Variants in PIK3R4 observed in about 807,000 individuals in gnomAD.
PIK3R4 encodes the protein phosphoinositide-3-kinase regulatory subunit 4.
Under a neutral mutation model 136.5 loss-of-function variants are expected in PIK3R4, and 46 were observed. That is an observed-to-expected ratio of 0.34 (90% CI 0.27 to 0.43). The LOEUF is 0.43. Ranked by LOEUF, PIK3R4 falls within the 20% of genes least tolerant of loss-of-function variation. The pLI is 1.00. For missense variants in PIK3R4, 1,331 were observed against 1,649.5 expected, an observed-to-expected ratio of 0.81 and a Z score of 3.35; for synonymous variants, 557 against 566.7, an observed-to-expected ratio of 0.98 and a Z score of 0.24.
Position 130,710,330 on chromosome 3 carries a change from A to G in PIK3R4, c.2332-1838T>C, listed in dbSNP as rs903995201. 3.3e-5 allele frequency among the ~76,000 whole-genome samples: 5 copies of G among 152,282 alleles called. No individual in the cohort carries two copies. In the South Asian group the frequency reaches 1.0e-3, roughly 32 times the overall value. ...AATCAACATATTTCAACACATTAAC[A>G]GAACAGAAAAACCATATAATAATCT... On this transcript the variant is annotated intron_variant, in intron 9 of 19. Transcript: ENST00000356763.
chr3:130,717,067 T>G (rs888985065), intron 8 of PIK3R4, among the ~76,000 whole-genome samples: 1 of 152,238 alleles, frequency 6.6e-6, no homozygotes, highest in Non-Finnish European at 1.5e-5. Context: ...ATAAAATCTT[T>G]CCTTTAATTA....
chr3:130,744,470 T>C lies in PIK3R4; in HGVS notation c.733+16A>G. 1 of 1,586,836 alleles carries C rather than the reference T, an allele frequency of 6.3e-7. No individual in the cohort carries two copies. The highest frequency in any genetic ancestry group is 8.6e-7 in the Non-Finnish European group (1 of 1,166,798). The stretch of plus-strand genomic sequence containing the variant: ...AAAACACATGCTCCCTTAGCAAATG[T>C]GACCCACTCAAATACCTGCTGAAAA... On this transcript the variant is annotated intron_variant, in intron 2 of 19. Transcript: ENST00000356763.
intron 9 of PIK3R4, among the ~76,000 whole-genome samples, chr3:130,715,458 T>A (rs752177041): frequency 2.8e-4 from 42 of 152,120 alleles, no homozygotes; most frequent in Non-Finnish European, 5.4e-4. Context: ...CCATTCTGAC[T>A]GGCATGAGAT....
chr3:130,724,398 T>C (rs778476204), intron 6 of PIK3R4, among the ~76,000 whole-genome samples: 1 of 152,138 alleles, frequency 6.6e-6, no homozygotes, highest in Non-Finnish European at 1.5e-5. Context: ...GGAGAGTCAC[T>C]GAATTGGGAT....
rs149322376 is a variant in PIK3R4, at chr3:130,701,094, G to A, written c.3098+2629C>T. ...TATGACTGTAATAAAAATCACTTGA[G>A]AACTAACAAGCAGGGTTTTTGCAAT... On this transcript the variant is annotated intron_variant, in intron 13 of 19. Coordinates refer to ENST00000356763, the MANE Select transcript of PIK3R4 (RefSeq NM_014602.3). Among the ~76,000 whole-genome samples, 86 of 152,280 alleles carry A rather than the reference G, an allele frequency of 5.6e-4. 1 individual carries two copies. The East Asian group carries it at 0.014, about 25-fold the overall frequency.
At chr3:130,722,853 A>G (rs1316220469) in intron 7 of PIK3R4, among the ~76,000 whole-genome samples, 39 of 150,610 alleles carry the variant, frequency 2.6e-4, no homozygotes, top group African/African-American at 9.0e-4. Flanking sequence ...TCAGGAGTTC[A>G]AGACCAGCCT....
intron 13 of PIK3R4, among the ~76,000 whole-genome samples, chr3:130,703,378 C>T (rs2066590245): frequency 6.6e-6 from 1 of 152,162 alleles, no homozygotes; most frequent in Non-Finnish European, 1.5e-5. Context: ...CTTTCTCTCA[C>T]TTTTTTCAAG....
At chr3:130,732,975 G>A (rs2066766762) in intron 4 of PIK3R4, among the ~76,000 whole-genome samples, 1 of 152,148 alleles carries the variant, frequency 6.6e-6, no homozygotes, top group South Asian at 2.1e-4. Flanking sequence ...TGGGGAGCTA[G>A]AAACAAGAAT....
chr3:130,708,023 G>A (rs1414175838), intron 10 of PIK3R4, among the ~76,000 whole-genome samples: 4 of 152,154 alleles, frequency 2.6e-5, no homozygotes, highest in Non-Finnish European at 5.9e-5. Context: ...TGGTGACAAC[G>A]TGATTTTACT....
In PIK3R4 at chr3:130,703,862, C is replaced by A; in HGVS notation, c.2959G>T (p.Ala987Ser). 1 of 1,612,060 alleles carries A rather than the reference C, an allele frequency of 6.2e-7. No individual in the cohort carries two copies. The highest frequency in any genetic ancestry group is 8.5e-7 in the Non-Finnish European group (1 of 1,178,708). ...GCAGATTTATGCTCATGAAGATGGG[C>A]AACTAACAGCCCTTTAGGACGCCAT... ...PGWRPKGLLV[A>S]HLHEHKSAVN... Residue 987 changes from alanine (A) to serine (S), a missense_variant, in exon 13 of 20, where the codon GCC (alanine) becomes TCC (serine). This residue lies in a region of PIK3R4 where 1,180 missense variants were observed against 1,407.0 expected (regional missense o/e 0.84). Transcript: ENST00000356763.
rs565748787 is a variant in PIK3R4 at position 130,713,500 on chromosome 3, T to C, written c.2331+2896A>G. On this transcript the variant is annotated intron_variant, in intron 9 of 19. Transcript: ENST00000356763. ...GTGGTAGAAGGGATTACAAGAACCG[T>C]AGGAAGCAGGAAGTAGAAAGGCTAT... is the stretch of plus-strand genomic sequence containing the variant. Among the ~76,000 whole-genome samples, 39 of 152,104 alleles carry C rather than the reference T, an allele frequency of 2.6e-4. 1 individual carries two copies. The highest frequency in any genetic ancestry group is 5.1e-4 in the Non-Finnish European group (35 of 68,020).
intron 18 of PIK3R4, 55 bp downstream of exon 18, chr3:130,680,922 C>G: frequency 6.6e-6 from 6 of 906,696 alleles, no homozygotes; most frequent in Non-Finnish European, 1.1e-5. Context: ...CCATCAGTAT[C>G]TATAATAACA....
Position 130,707,119 on chromosome 3 carries a change from T to A in PIK3R4, c.2550A>T (p.Lys850Asn). ...PDDKRARKHV[K>N]QDSNVNEEWK... Reference sequence around the variant, plus strand: ...ATTCTTCATTTACATTTGAGTCTTGTTTTACATGTTTTCTGGCTATGAAAA... The same window carrying A: ...ATTCTTCATTTACATTTGAGTCTTGATTTACATGTTTTCTGGCTATGAAAA... Residue 850 changes from lysine to asparagine, a missense_variant, in exon 11 of 20, where the codon AAA becomes AAT. Lys to Asn is a moderately conservative substitution (Grantham distance 94). Coordinates refer to ENST00000356763, the MANE Select transcript of PIK3R4 (RefSeq NM_014602.3). The A allele has an allele frequency of 6.2e-7, 1 of 1,603,698 alleles. No homozygotes were observed. Among genetic ancestry groups the A allele is most frequent in the Non-Finnish European group, 8.5e-7 (1 of 1,175,834 alleles).
chr3:130,734,716 C>T (rs932251254), intron 3 of PIK3R4, among the ~76,000 whole-genome samples: 3 of 146,340 alleles, frequency 2.1e-5, no homozygotes, highest in African/African-American at 7.9e-5. Context: ...AGAAATGATA[C>T]ACCTAATTTG....
At chr3:130,716,046 A>G (rs1345662630) in intron 9 of PIK3R4, among the ~76,000 whole-genome samples, 1 of 152,234 alleles carries the variant, frequency 6.6e-6, no homozygotes, top group East Asian at 1.9e-4. Context: ...TGTTTCTTCC[A>G]GCTAAATTTC....
At chr3:130,728,070 G>A (rs997190404) in intron 6 of PIK3R4, among the ~76,000 whole-genome samples, 1 of 151,966 alleles carries the variant, frequency 6.6e-6, no homozygotes, top group Non-Finnish European at 1.5e-5. Flanking sequence ...TAAAAGTGAT[G>A]CATGTTCACT....
intron 6 of PIK3R4, among the ~76,000 whole-genome samples, chr3:130,724,560 T>A (rs1475279048): frequency 3.9e-5 from 6 of 152,144 alleles, no homozygotes. Flanking sequence ...TATTATTAAC[T>A]ATGACAAAAA....
At chr3:130,699,987 G>A in intron 13 of PIK3R4, among the ~76,000 whole-genome samples, 1 of 152,196 alleles carries the variant, frequency 6.6e-6, no homozygotes, top group East Asian at 1.9e-4. Context: ...ATATGAGAGT[G>A]CATCAATGGC....
At chr3:130,686,861 G>C (rs2066493614) in intron 14 of PIK3R4, among the ~76,000 whole-genome samples, 1 of 152,108 alleles carries the variant, frequency 6.6e-6, no homozygotes, top group African/African-American at 2.4e-5. Context: ...TATTTTTGAA[G>C]ACTACTGGTT....
Sources: allele counts gnomAD v4.1 joint callset (sites outside exome capture counted in the v4.1 genomes callset), GRCh38; gene constraint gnomAD v4.1.1; regional missense constraint gnomAD v4.1.1; transcripts MANE v1.5; gene names NCBI Gene and HGNC (gene_info 2026-07-23, HGNC 2026-07-21).